The following ZDHHC2 variants were observed in gnomAD, a reference collection of about 807,000 sequenced individuals.
ZDHHC2 encodes zDHHC palmitoyltransferase 2.
In ZDHHC2, 51 loss-of-function variants were observed where a neutral mutation model predicts 55.6. The ratio of observed to expected loss-of-function variants is 0.92; its 90% CI spans 0.73 to 1.16. The LOEUF is 1.16. Ranked by LOEUF, ZDHHC2 falls within the 50% of genes most tolerant of loss-of-function variation. The probability of loss-of-function intolerance (pLI) is 0.00; values close to 1 mark genes in which losing one functional copy is unlikely to be tolerated. For synonymous variants in ZDHHC2, 199 were observed against 152.9 expected (o/e 1.30, Z -2.22); for missense variants, 491 against 442.4 (o/e 1.11, Z -0.99).
chr8:17,161,002 G>C (rs534813162), intron 1 of ZDHHC2, among the ~76,000 whole-genome samples: 1 of 152,336 alleles, frequency 6.6e-6, no homozygotes, highest in East Asian at 1.9e-4. Flanking sequence ...CTTCAGCAGT[G>C]ATTGCAGCCT....
At chr8:17,207,245 G>C (rs73198529) in intron 7 of ZDHHC2, among the ~76,000 whole-genome samples, 1 of 152,156 alleles carries the variant, frequency 6.6e-6, no homozygotes, top group African/African-American at 2.4e-5. Context: ...TGCTTCGATA[G>C]GTGTCCATAG....
At chr8:17,214,990 T>G (rs1161677584) in intron 10 of ZDHHC2, among the ~76,000 whole-genome samples, 1 of 152,162 alleles carries the variant, frequency 6.6e-6, no homozygotes, top group Non-Finnish European at 1.5e-5. Flanking sequence ...TCTGGAGATT[T>G]TCCAGTGTTA....
intron 1 of ZDHHC2, 49 bp from the exon 2 acceptor site, chr8:17,184,740 C>T (rs918757236): frequency 9.2e-5 from 138 of 1,496,338 alleles, no homozygotes; most frequent in Non-Finnish European, 1.2e-4. Flanking sequence ...TGTCAAGCCC[C>T]GTTTGCCATA....
chr8:17,218,419 T>C (rs1285286383), intron 12 of ZDHHC2, among the ~76,000 whole-genome samples: 1 of 152,158 alleles, frequency 6.6e-6, no homozygotes, highest in African/African-American at 2.4e-5. Context: ...TTTGAAATCA[T>C]CAGTTGCAAT....
intron 11 of ZDHHC2, among the ~76,000 whole-genome samples, chr8:17,216,799 A>G (rs1320335747): frequency 6.6e-6 from 1 of 152,138 alleles, no homozygotes; most frequent in Non-Finnish European, 1.5e-5. Flanking sequence ...AAGCAAGAAA[A>G]ATGAGGTGAG....
chr8:17,176,480 C>T (rs1362648281), intron 1 of ZDHHC2, among the ~76,000 whole-genome samples: 2 of 151,828 alleles, frequency 1.3e-5, no homozygotes, highest in African/African-American at 4.8e-5. Flanking sequence ...GAATACATCA[C>T]GGTAGGATTT....
intron 6 of ZDHHC2, among the ~76,000 whole-genome samples, chr8:17,204,897 A>C (rs1401631069): frequency 6.6e-6 from 1 of 152,224 alleles, no homozygotes; most frequent in South Asian, 2.1e-4. Context: ...TTGTATTTGT[A>C]CTTAGGTTTA....
At chr8:17,196,910 GAAAAAAAAAAAAAGAGGTTTTT>G (rs901393884) in intron 4 of ZDHHC2, among the ~76,000 whole-genome samples, 1 of 132,682 alleles carries the variant, frequency 7.5e-6, no homozygotes, top group Non-Finnish European at 1.6e-5. Flanking sequence ...TTTCGTCTCA[GAAAAAAAAAAAAAGAGGTTTTT>G]ATATTACTTA....
In ZDHHC2 at chr8:17,212,513, C is replaced by T. The variant is rs1807434619; in HGVS notation, c.950+2033C>T. On this transcript the variant is annotated intron_variant, in intron 10 of 12. Coordinates refer to ENST00000262096, the MANE Select transcript of ZDHHC2 (RefSeq NM_016353.5). ...TATTTACTCCATTTGCAAATCCTAT[C>T]AGATGTCTCTTTAAAGTATATCTAT... 2.6e-5 allele frequency among the ~76,000 whole-genome samples: 4 copies of T among 152,194 alleles called. No homozygotes were observed. In the South Asian group the frequency reaches 8.3e-4, roughly 31 times the overall value.
intron 1 of ZDHHC2, among the ~76,000 whole-genome samples, chr8:17,177,831 G>A (rs7009071): frequency 0.031 from 4,663 of 151,954 alleles, 248 homozygotes; most frequent in African/African-American, 0.11. Context: ...CTGAGGCTAG[G>A]CTGGAAATTG....
At chr8:17,210,225 T>C in intron 9 of ZDHHC2, 163 bp from the exon 10 acceptor site, 1 of 1,081,488 alleles carries the variant, frequency 9.2e-7, no homozygotes, top group Non-Finnish European at 1.3e-6. Context: ...TGGAAGTCAG[T>C]TAATTCATCA....
intron 1 of ZDHHC2, among the ~76,000 whole-genome samples, chr8:17,181,133 T>G (rs1805410975): frequency 6.6e-6 from 1 of 152,212 alleles, no homozygotes. Flanking sequence ...ACTTTTCTCT[T>G]GAGTTTTTCA....
chr8:17,203,279 T>A (rs1806905776), intron 6 of ZDHHC2, among the ~76,000 whole-genome samples: 1 of 151,484 alleles, frequency 6.6e-6, no homozygotes, highest in African/African-American at 2.4e-5. Context: ...GGAGTTTTGC[T>A]CTTGTCGCCC....
At chr8:17,205,202 A>G (rs779552968) in intron 6 of ZDHHC2, among the ~76,000 whole-genome samples, 20 of 152,214 alleles carry the variant, frequency 1.3e-4, no homozygotes, top group Non-Finnish European at 2.4e-4. Context: ...GCTTGCTTCA[A>G]TGAAGGCATG....
At chr8:17,189,028 C>G (rs1489193310) in intron 3 of ZDHHC2, among the ~76,000 whole-genome samples, 1 of 151,976 alleles carries the variant, frequency 6.6e-6, no homozygotes, top group Non-Finnish European at 1.5e-5. Flanking sequence ...TCCCTGCTCC[C>G]ACCCCGGTCC....
intron 1 of ZDHHC2, chr8:17,157,704 T>G (rs1432568299): frequency 6.6e-6 from 1 of 152,234 alleles, no homozygotes; most frequent in African/African-American, 2.4e-5. Flanking sequence ...TGAAAACTGA[T>G]CTGGGTTATC....
chr8:17,161,325 T>G (rs1274307225), intron 1 of ZDHHC2, among the ~76,000 whole-genome samples: 1 of 152,220 alleles, frequency 6.6e-6, no homozygotes, highest in Non-Finnish European at 1.5e-5. Context: ...TTCCTGATAC[T>G]TAAACTATTA....
chr8:17,165,896 G>T (rs556205531), intron 1 of ZDHHC2, among the ~76,000 whole-genome samples: 1 of 152,210 alleles, frequency 6.6e-6, no homozygotes, highest in East Asian at 1.9e-4. Context: ...CTCCGGCCAG[G>T]GGAGTTTGAT....
At chr8:17,205,552 C>T in intron 6 of ZDHHC2, 103 bp from the exon 7 acceptor site, 5 of 1,259,382 alleles carry the variant, frequency 4.0e-6, no homozygotes, top group Non-Finnish European at 5.3e-6. Context: ...TAAAGAAATG[C>T]CAATAAATTA....
Sources: allele counts gnomAD v4.1 joint callset (sites outside exome capture counted in the v4.1 genomes callset), GRCh38; gene constraint gnomAD v4.1.1; transcripts MANE v1.5; gene names NCBI Gene and HGNC (gene_info 2026-07-23, HGNC 2026-07-21).